Variants in BRI3BP observed in about 807,000 individuals in gnomAD.
BRI3BP encodes the protein BRI3 binding protein.
A neutral mutation model predicts 15.8 loss-of-function variants in BRI3BP; 7 were observed. The observed-to-expected ratio is 0.44, with a 90% CI of 0.25 to 0.83. The LOEUF (loss-of-function observed/expected upper bound fraction) is 0.83, where lower values mean the gene tolerates loss of function less well. Among genes scored for constraint, BRI3BP ranks in the 40% least tolerant of loss-of-function variants. The pLI, the probability that BRI3BP is intolerant of heterozygous loss-of-function variation, is 0.20. For synonymous variants in BRI3BP, 192 were observed against 163.5 expected (o/e 1.17, Z -1.33); for missense variants, 320 against 339.3 (o/e 0.94, Z 0.45).
chr12:125,023,954 C>T (rs1029294441), intron 2 of BRI3BP, among the ~76,000 whole-genome samples: 1 of 152,108 alleles, frequency 6.6e-6, no homozygotes, highest in Admixed American at 6.5e-5. Flanking sequence ...GCCTATAATC[C>T]CAGCTACTTG....
intron 1 of BRI3BP, among the ~76,000 whole-genome samples, chr12:125,011,448 G>A (rs1033980621): frequency 2.0e-5 from 3 of 152,184 alleles, no homozygotes; most frequent in Admixed American, 6.5e-5. Context: ...GGCTCCAGGT[G>A]TACCATGTTT....
At chr12:125,039,454 G>C in the BRI3BP span, among the ~76,000 whole-genome samples, 1 of 152,142 alleles carries the variant, frequency 6.6e-6, no homozygotes, top group Non-Finnish European at 1.5e-5. Context: ...GTTTGACTAG[G>C]CTTTAGGAGC....
At chr12:125,046,654 G>A in the BRI3BP span, among the ~76,000 whole-genome samples, 2 of 152,242 alleles carry the variant, frequency 1.3e-5, no homozygotes, top group Non-Finnish European at 2.9e-5. Flanking sequence ...GCTGGAAGCT[G>A]TGAGCTCAGG....
At chr12:125,008,909 G>C (rs1955172220) in intron 1 of BRI3BP, among the ~76,000 whole-genome samples, 1 of 151,936 alleles carries the variant, frequency 6.6e-6, no homozygotes, top group Admixed American at 6.6e-5. Flanking sequence ...CAGGCATTAG[G>C]ATCTCACAAG....
chr12:125,048,876 T>C, the BRI3BP span, among the ~76,000 whole-genome samples: 2 of 152,052 alleles, frequency 1.3e-5, no homozygotes, highest in Non-Finnish European at 2.9e-5. Context: ...GCTCACCCCA[T>C]AGCCAAGTAG....
intron 1 of BRI3BP, among the ~76,000 whole-genome samples, chr12:124,996,933 G>T (rs1279725195): frequency 2.0e-5 from 3 of 150,804 alleles, no homozygotes; most frequent in Non-Finnish European, 4.4e-5. Flanking sequence ...GCTAATTTTT[G>T]TATTTTTAGT....
intron 2 of BRI3BP, among the ~76,000 whole-genome samples, chr12:125,015,603 G>C (rs11610423): frequency 0.3 from 44,942 of 151,938 alleles, 6,986 homozygotes; most frequent in South Asian, 0.45. Flanking sequence ...TCTCTCAGCA[G>C]CGCCCATTGG....
Position 125,030,293 on chromosome 12 carries a change from C to G in BRI3BP, c.*4863C>G, listed in dbSNP as rs58815341. ...GAGGCTCCTAAGGGGTCAGCTGCCC[C>G]ACTCCTGACTTTTTTATTTTTAATG... On this transcript the variant is annotated 3_prime_UTR_variant, in exon 3 of 3. Coordinates refer to ENST00000341446, the MANE Select transcript of BRI3BP (RefSeq NM_080626.6). 2.0e-5 allele frequency: 3 copies of G among 152,178 alleles called. No homozygotes were observed. The highest frequency in any genetic ancestry group is 7.2e-5 in the African/African-American group (3 of 41,456). The allele number at this position is 152,178 out of a possible 1,614,324, so 9.4% of individuals were successfully genotyped here. A position where few individuals can be genotyped will look rare whatever the true frequency, so the allele number is the denominator to read the frequency against.
At chr12:125,013,395 A>G (rs2135994237) in intron 2 of BRI3BP, among the ~76,000 whole-genome samples, 1 of 152,302 alleles carries the variant, frequency 6.6e-6, no homozygotes, top group African/African-American at 2.4e-5. Context: ...AAGTCACACA[A>G]CTGTAGTATA....
At chr12:125,021,005 C>A (rs1018265328) in intron 2 of BRI3BP, among the ~76,000 whole-genome samples, 1 of 152,168 alleles carries the variant, frequency 6.6e-6, no homozygotes, top group African/African-American at 2.4e-5. Context: ...GCTCTGGGGA[C>A]GCTTCAATAA....
the BRI3BP span, among the ~76,000 whole-genome samples, chr12:125,040,749 G>A: frequency 7.0e-6 from 1 of 143,004 alleles, no homozygotes; most frequent in Non-Finnish European, 1.5e-5. Flanking sequence ...TTTTTTTTTT[G>A]AGACAGAGTC....
rs1955386941 is a variant in BRI3BP at position 125,029,355 on chromosome 12, A to G, written c.*3925A>G. ...ATAGTGAAATCCCGTCTCTACCAAA[A>G]AATACAAAAAAAAAAAAAAAAAAAA... On this transcript the variant is annotated 3_prime_UTR_variant, in exon 3 of 3. Coordinates refer to ENST00000341446, the MANE Select transcript of BRI3BP (RefSeq NM_080626.6). 1.1e-5 allele frequency: 1 copy of G among 91,140 alleles called. No homozygotes were observed. Among genetic ancestry groups the G allele is most frequent in the African/African-American group, 4.8e-5 (1 of 20,820 alleles). 5.6% of individuals were successfully genotyped at this position (91,140 alleles called of 1,614,324 possible). A position where few individuals can be genotyped will look rare whatever the true frequency, so the allele number is the denominator to read the frequency against.
chr12:125,031,374 A>T (rs190053593), downstream of BRI3BP: 35 of 152,268 alleles, frequency 2.3e-4, no homozygotes, highest in African/African-American at 8.4e-4. Flanking sequence ...GCCCAGTTAA[A>T]TTTGAATTTC....
chr12:124,993,722 C>A lies in BRI3BP; in HGVS notation c.-69C>A. Reference sequence around the variant, plus strand: ...CCCGAGCGCGCCAACCTTGCCCTAGCCGGAGCCCGCTGCGGCCCAGCGCAC... The same window carrying A: ...CCCGAGCGCGCCAACCTTGCCCTAGACGGAGCCCGCTGCGGCCCAGCGCAC... On this transcript the variant is annotated 5_prime_UTR_variant, in exon 1 of 3. Coordinates refer to ENST00000341446, the MANE Select transcript of BRI3BP (RefSeq NM_080626.6). The A allele has an allele frequency of 1.1e-6, 1 of 906,704 alleles. No homozygotes were observed. The highest frequency in any genetic ancestry group is 1.3e-6 in the Non-Finnish European group (1 of 759,378). The allele number at this position is 906,704 out of a possible 1,614,324, so 56.2% of individuals were successfully genotyped here.
In BRI3BP at chr12:125,003,985, AC is replaced by A. The variant is rs879664020; in HGVS notation, c.214-8548del. ...CACACACACACACACACACACACACACACACACACACACACACAACACACAA... is the reference window on the plus strand; with the variant it reads ...CACACACACACACACACACACACACAACACACACACACACACAACACACAA... On this transcript the variant is annotated intron_variant, in intron 1 of 2. Coordinates refer to ENST00000341446, the MANE Select transcript of BRI3BP (RefSeq NM_080626.6). 1.5e-3 allele frequency among the ~76,000 whole-genome samples: 226 copies of A among 150,518 alleles called. 1 individual carries two copies. The highest frequency in any genetic ancestry group is 3.6e-3 in the African/African-American group (148 of 41,108).
Position 125,025,515 on chromosome 12 carries a change from CAATCTT to C in BRI3BP, c.*89_*94del. On this transcript the variant is annotated 3_prime_UTR_variant, in exon 3 of 3. Transcript: ENST00000341446. ...GAGGAAAAAAACCCCAAACCCCAAA[CAATCTT>C]AATAAACACGACTGAGCAAGAAAGT... 1 of 1,307,444 alleles carries C rather than the reference CAATCTT, an allele frequency of 7.6e-7. No homozygotes were observed. The highest frequency in any genetic ancestry group is 1.5e-5 in the African/African-American group (1 of 67,148). The allele number at this position is 1,307,444 out of a possible 1,614,324, so 81.0% of individuals were successfully genotyped here.
the BRI3BP span, among the ~76,000 whole-genome samples, chr12:125,050,153 C>T: frequency 1.3e-5 from 2 of 152,076 alleles, no homozygotes; most frequent in African/African-American, 2.4e-5. Flanking sequence ...GAGATCGAGA[C>T]CATCCTGGCC....
At chr12:125,041,508 C>T in the BRI3BP span, among the ~76,000 whole-genome samples, 1 of 152,154 alleles carries the variant, frequency 6.6e-6, no homozygotes, top group Admixed American at 6.6e-5. Context: ...TTTCAGGACA[C>T]ATGTCCTGAA....
At chr12:125,014,518 G>A (rs934032742) in intron 2 of BRI3BP, among the ~76,000 whole-genome samples, 2 of 152,240 alleles carry the variant, frequency 1.3e-5, no homozygotes, top group African/African-American at 4.8e-5. Flanking sequence ...CCAAGCTTCA[G>A]AGTTCTCTCC....
Sources: gnomAD v4.1 joint callset for allele counts (sites outside exome capture counted in the v4.1 genomes callset) on GRCh38, gnomAD v4.1.1 for gene constraint, MANE v1.5 for transcripts, NCBI Gene and HGNC (gene_info 2026-07-23, HGNC 2026-07-21) for gene names.